Variants in SVEP1 observed in about 807,000 individuals in gnomAD.
SVEP1 encodes sushi, von Willebrand factor type A, EGF and pentraxin domain containing 1.
A neutral mutation model predicts 367.3 loss-of-function variants in SVEP1; 164 were observed. The observed-to-expected ratio is 0.45, with a 90% CI of 0.39 to 0.51. The LOEUF (loss-of-function observed/expected upper bound fraction) is 0.51, where lower values mean the gene tolerates loss of function less well. SVEP1 is among the 20% of genes least tolerant of loss of function. The pLI is 0.00. For missense variants in SVEP1, 4,117 were observed against 4,425.3 expected, an observed-to-expected ratio of 0.93 and a Z score of 1.98; for synonymous variants, 1,666 against 1,611.6, an observed-to-expected ratio of 1.03 and a Z score of -0.81.
Position 110,579,200 on chromosome 9 carries a change from A to G in SVEP1, c.344T>C (p.Val115Ala). The change falls in exon 1 of 48, where the codon GTG (valine) becomes GCG (alanine). Residue 115 changes from valine to alanine, a missense_variant. Coordinates refer to ENST00000374469, the MANE Select transcript of SVEP1 (RefSeq NM_153366.4). This position sits in a 1 kb window ranked among gnomAD's most constrained non-coding sequence, Gnocchi z 5.3. ...GGCCACGCGCGTGGCCGTGGGCACC[A>G]CGGGGAAGTCGGACAGCAGCTTGCG... ...FVRKLLSDFP[V>A]VPTATRVAIV... The G allele has an allele frequency of 6.4e-7, 1 of 1,571,408 alleles. No individual in the cohort carries two copies. The highest frequency in any genetic ancestry group is 8.6e-7 in the Non-Finnish European group (1 of 1,159,018).
rs1827982929 is a variant in SVEP1, at chr9:110,408,046, C to A, written c.7554G>T (p.Gln2518His). The change falls in exon 38 of 48, where the codon CAG becomes CAT. Residue 2518 changes from glutamine (Q) to histidine (H), a missense_variant. Physicochemically the swap from Gln to His is conservative, Grantham distance 24. This residue lies in a region of SVEP1 where 1,765 missense variants were observed against 1,781.1 expected (regional missense o/e 0.99). Coordinates refer to ENST00000374469, the MANE Select transcript of SVEP1 (RefSeq NM_153366.4). ...CTCGGTTGCAAGAGTAGGTAACGGT[C>A]TGTCCATAGTGTAGGTCCGTGTAAG... The part of the protein sequence containing the change: ...KFSYTDLHYG[Q>H]TVTYSCNRGF... 6.2e-7 allele frequency: 1 copy of A among 1,613,988 alleles called. No homozygotes were observed. The highest frequency in any genetic ancestry group is 1.3e-5 in the African/African-American group (1 of 75,048).
At chr9:110,540,689 T>C (rs755022884) in intron 3 of SVEP1, among the ~76,000 whole-genome samples, 1 of 152,144 alleles carries the variant, frequency 6.6e-6, no homozygotes, top group Non-Finnish European at 1.5e-5. Context: ...TTCAAACATA[T>C]CATATGCTAT....
intron 3 of SVEP1, among the ~76,000 whole-genome samples, chr9:110,536,675 A>T (rs1830083626): frequency 1.3e-5 from 2 of 151,968 alleles, no homozygotes; most frequent in South Asian, 4.1e-4. Flanking sequence ...TCAAGAAATA[A>T]TAAGCAGGGT....
intron 23 of SVEP1, among the ~76,000 whole-genome samples, chr9:110,450,465 C>CTT (rs764866146): frequency 9.3e-5 from 9 of 97,278 alleles, no homozygotes; most frequent in South Asian, 3.6e-4. Context: ...TTTTGATAAT[C>CTT]TGTTTTTTTT....
Position 110,408,901 on chromosome 9 carries a change from C to T in SVEP1, c.6699G>A (p.Pro2233=), listed in dbSNP as rs1172094249. 1.3e-5 allele frequency: 21 copies of T among 1,609,816 alleles called. No individual in the cohort carries two copies. The highest frequency in any genetic ancestry group is 7.8e-5 in the South Asian group (7 of 90,296). Residue 2233 remains proline (P), a synonymous_variant, in exon 38 of 48, where the codon CCG becomes CCA. Transcript: ENST00000374469. ...CAGGACTTCCGACTGACTTATAGCC[C>T]GGGTTACACTGATACCTCACTTCAC... ...FESEVRYQCN[P]GYKSVGSPVF...
At chr9:110,530,590 G>C (rs1830005451) in intron 3 of SVEP1, among the ~76,000 whole-genome samples, 1 of 152,106 alleles carries the variant, frequency 6.6e-6, no homozygotes, top group Non-Finnish European at 1.5e-5. Context: ...AGGTTGGAGT[G>C]CAGTGATATG....
chr9:110,422,752 A>C (rs995450809), intron 36 of SVEP1, among the ~76,000 whole-genome samples: 3 of 122,454 alleles, frequency 2.4e-5, no homozygotes, highest in Non-Finnish European at 5.2e-5. Context: ...TGGATTAAGA[A>C]AATGTGGCAC....
chr9:110,538,237 AC>A (rs912911144), intron 3 of SVEP1, among the ~76,000 whole-genome samples: 3 of 152,068 alleles, frequency 2.0e-5, no homozygotes, highest in Non-Finnish European at 2.9e-5. Context: ...GGCAACAGTT[AC>A]AAATTCTCCA....
At chr9:110,529,034 TTTGAG>T (rs1382140819) in intron 3 of SVEP1, among the ~76,000 whole-genome samples, 7 of 151,968 alleles carry the variant, frequency 4.6e-5, no homozygotes, top group African/African-American at 1.7e-4. Context: ...TTTCATCCAT[TTTGAG>T]TTAATTTTTT....
At chr9:110,566,334 A>G (rs1397614673) in intron 1 of SVEP1, among the ~76,000 whole-genome samples, 2 of 121,084 alleles carry the variant, frequency 1.7e-5, no homozygotes, top group South Asian at 3.5e-4. Flanking sequence ...TAATAAATAA[A>G]TAAATAAATA....
chr9:110,532,340 A>C lies in SVEP1; in HGVS notation c.964+13775T>G, dbSNP rs191262054. ...CTCAAATTTCAGGTCTAGCTGTGTC[A>C]GAGCTATAAATCTAAGGGAGAAGGG... is the stretch of plus-strand genomic sequence containing the variant. On this transcript the variant is annotated intron_variant, in intron 3 of 47. Transcript: ENST00000374469. Among the ~76,000 whole-genome samples, 292 of 152,314 alleles carry C rather than the reference A, an allele frequency of 1.9e-3. 1 individual carries two copies. Among genetic ancestry groups the C allele is most frequent in the South Asian group, 4.4e-3 (21 of 4,826 alleles).
intron 5 of SVEP1, among the ~76,000 whole-genome samples, chr9:110,506,736 T>G (rs1477434116): frequency 6.6e-6 from 1 of 151,942 alleles, no homozygotes; most frequent in Non-Finnish European, 1.5e-5. Context: ...CAATCAGGGT[T>G]TCCAAGCAGG....
chr9:110,577,784 C>T (rs1287742441), intron 1 of SVEP1, among the ~76,000 whole-genome samples: 2 of 151,698 alleles, frequency 1.3e-5, no homozygotes, highest in East Asian at 3.9e-4. Flanking sequence ...AACAAACAAG[C>T]ACTATAATGG....
intron 32 of SVEP1, 151 bp downstream of exon 32, chr9:110,431,764 G>T: frequency 9.8e-7 from 1 of 1,024,640 alleles, no homozygotes; most frequent in Non-Finnish European, 1.4e-6. Flanking sequence ...TGTTACTGAT[G>T]TGTCTTTTGT....
Position 110,481,373 on chromosome 9 carries a change from G to C in SVEP1, c.2234C>G (p.Thr745Ser). Residue 745 changes from threonine to serine, a missense_variant, in exon 12 of 48, where the codon ACT becomes AGT. Around this residue, in one of 4 missense-constraint regions of SVEP1, gnomAD observed 2,174 missense variants for 2,494.3 expected, o/e 0.87. Transcript: ENST00000374469. ...NGDFICTPDNTGVNCTLTCLE... is the reference protein window; with the variant it reads ...NGDFICTPDNSGVNCTLTCLE... ...GCAAGTTAATGTACAGTTGACTCCAGTATTATCTGGAGTGCATATAAAATC... is the reference window on the plus strand; with the variant it reads ...GCAAGTTAATGTACAGTTGACTCCACTATTATCTGGAGTGCATATAAAATC... 1.9e-6 allele frequency: 3 copies of C among 1,610,062 alleles called. No homozygotes were observed. Among genetic ancestry groups the C allele is most frequent in the Non-Finnish European group, 2.5e-6 (3 of 1,178,092 alleles).
Position 110,406,115 on chromosome 9 carries a change from T to C in SVEP1, c.9440+45A>G, listed in dbSNP as rs747047136. On this transcript the variant is annotated intron_variant, in intron 38 of 47. Transcript: ENST00000374469. ...TTTTGATCGATCACATTTCATTTCA[T>C]AATCCTGCCCGCACCCCTTGGAGAC... 3.3e-6 allele frequency: 5 copies of C among 1,506,948 alleles called. No individual in the cohort carries two copies. In the Admixed American group the frequency reaches 7.0e-5, roughly 21 times the overall value. 93.3% of individuals were successfully genotyped at this position (1,506,948 alleles called of 1,614,324 possible).
chr9:110,564,921 T>C (rs1830471658), intron 1 of SVEP1, among the ~76,000 whole-genome samples: 1 of 152,110 alleles, frequency 6.6e-6, no homozygotes, highest in African/African-American at 2.4e-5. Context: ...GATTAAACAA[T>C]CCTTACAATT....
At chr9:110,548,702 C>T (rs542116081) in intron 2 of SVEP1, among the ~76,000 whole-genome samples, 10 of 152,104 alleles carry the variant, frequency 6.6e-5, no homozygotes, top group East Asian at 3.9e-4. Flanking sequence ...CCTGTTTAAA[C>T]GCAAATCCAT....
intron 36 of SVEP1, among the ~76,000 whole-genome samples, chr9:110,425,089 C>T (rs1278467812): frequency 2.6e-5 from 4 of 152,156 alleles, no homozygotes; most frequent in African/African-American, 7.2e-5. Context: ...CCTAAAAGGG[C>T]AAAATGCATA....
Sources: gnomAD v4.1 joint callset for allele counts (sites outside exome capture counted in the v4.1 genomes callset) on GRCh38, gnomAD v4.1.1 for gene constraint, gnomAD v4.1.1 regional missense constraint, Gnocchi (gnomAD v3.1) non-coding constraint, MANE v1.5 for transcripts, NCBI Gene and HGNC (gene_info 2026-07-23, HGNC 2026-07-21) for gene names.